NIBAN1: variants seen among roughly 807,000 people sequenced by gnomAD.
The protein encoded by NIBAN1 is protein Niban 1.
Under a neutral mutation model 75.1 loss-of-function variants are expected in NIBAN1, and 81 were observed. The observed-to-expected ratio is 1.08, with a 90% CI of 0.90 to 1.30. The LOEUF is 1.30. Ranked by LOEUF, NIBAN1 falls within the 50% of genes most tolerant of loss-of-function variation. NIBAN1 has a pLI of 0.00. For missense variants in NIBAN1, 1,133 were observed against 1,128.1 expected (o/e 1.00, Z -0.06); for synonymous variants, 436 against 424.8 (o/e 1.03, Z -0.32).
chr1:184,854,216 G>A (rs1421994020), intron 5 of NIBAN1, among the ~76,000 whole-genome samples: 1 of 152,144 alleles, frequency 6.6e-6, no homozygotes. Context: ...CACTCTAGAT[G>A]CTTGTGGTTT....
At chr1:184,932,739 TA>T (rs1478374017) in intron 1 of NIBAN1, among the ~76,000 whole-genome samples, 1 of 152,222 alleles carries the variant, frequency 6.6e-6, no homozygotes, top group African/African-American at 2.4e-5. Context: ...TTTAAAAGCT[TA>T]AAAGTTATGA....
At chr1:184,932,862 AGT>A (rs1657860705) in intron 1 of NIBAN1, among the ~76,000 whole-genome samples, 1 of 152,164 alleles carries the variant, frequency 6.6e-6, no homozygotes, top group Non-Finnish European at 1.5e-5. Flanking sequence ...TATTTTCTTT[AGT>A]GAGTAGAAAA....
intron 1 of NIBAN1, 121 bp downstream of exon 1, chr1:184,974,181 C>G: frequency 9.5e-7 from 1 of 1,051,802 alleles, no homozygotes; most frequent in Non-Finnish European, 1.2e-6. Context: ...GGGCTGCGGT[C>G]GGGGATCCCC....
In NIBAN1 at chr1:184,974,327, G is replaced by C. The variant is rs1354774393; in HGVS notation, c.30C>G (p.Asp10Glu). 2 of 1,567,394 alleles carry C rather than the reference G, an allele frequency of 1.3e-6. No individual in the cohort carries two copies. Among genetic ancestry groups the C allele is most frequent in the Non-Finnish European group, 1.7e-6 (2 of 1,163,636 alleles). MGGSASSQL[D>E]EGKCAYIRGK... ...CTCGGATGTAAGCGCACTTGCCCTC[G>C]TCCAGCTGGCTGGAGGCTGAGCCGC... The change falls in exon 1 of 14, where the codon GAC becomes GAG. Residue 10 changes from aspartate to glutamate, a missense_variant. Asp to Glu is a conservative substitution (Grantham distance 45). Transcript: ENST00000367511.
intron 2 of NIBAN1, among the ~76,000 whole-genome samples, chr1:184,898,244 A>T (rs568069912): frequency 3.3e-5 from 5 of 152,280 alleles, no homozygotes; most frequent in African/African-American, 1.2e-4. Flanking sequence ...GAATATTCAC[A>T]CAGCCTACTC....
At chr1:184,816,375 T>C (rs1654535696) in intron 9 of NIBAN1, among the ~76,000 whole-genome samples, 1 of 152,224 alleles carries the variant, frequency 6.6e-6, no homozygotes, top group Non-Finnish European at 1.5e-5. Flanking sequence ...CTCCATAACC[T>C]ATATGAATGA....
At chr1:184,799,495 A>G (rs965439385) in intron 12 of NIBAN1, among the ~76,000 whole-genome samples, 1 of 149,716 alleles carries the variant, frequency 6.7e-6, no homozygotes, top group Non-Finnish European at 1.5e-5. Context: ...TAGTGCCACA[A>G]TAAACATATG....
chr1:184,907,573 G>A (rs1557909545), intron 1 of NIBAN1, among the ~76,000 whole-genome samples: 1 of 152,168 alleles, frequency 6.6e-6, no homozygotes, highest in Non-Finnish European at 1.5e-5. Flanking sequence ...TATGGTCTTA[G>A]GTTGCTAAGC....
Position 184,798,144 on chromosome 1 carries a change from A to T in NIBAN1, c.1601T>A (p.Met534Lys). ...CTCATAGACATTTTCAACGTGAATC[A>T]TATTGGTATGATCTGCAAAGATGAA... ...EQFIFADHTN[M>K]IHVENVYEEI... Residue 534 changes from methionine to lysine, a missense_variant, in exon 13 of 14, where the codon ATG (methionine) becomes AAG (lysine). Transcript: ENST00000367511. 15 of 1,611,722 alleles carry T rather than the reference A, an allele frequency of 9.3e-6. No homozygotes were observed. Among genetic ancestry groups the T allele is most frequent in the Non-Finnish European group, 1.3e-5 (15 of 1,178,188 alleles).
chr1:184,904,098 G>A (rs1376768297), intron 1 of NIBAN1, among the ~76,000 whole-genome samples: 1 of 152,102 alleles, frequency 6.6e-6, no homozygotes, highest in African/African-American at 2.4e-5. Context: ...GTTTCACCAT[G>A]TTAGTCAGGC....
chr1:184,910,464 T>C (rs1228307955), intron 1 of NIBAN1, among the ~76,000 whole-genome samples: 2 of 152,098 alleles, frequency 1.3e-5, no homozygotes, highest in African/African-American at 4.8e-5. Context: ...TAATAGAATA[T>C]TTACAAAAAA....
At chr1:184,827,953 GTTTTTTGTTT>G (rs1343067942) in intron 6 of NIBAN1, among the ~76,000 whole-genome samples, 1 of 100,280 alleles carries the variant, frequency 1.0e-5, no homozygotes, top group Admixed American at 1.0e-4. Flanking sequence ...GGGTAGTTTT[GTTTTTTGTTT>G]TTTTTTTTTT....
chr1:184,933,085 T>C (rs1228620248), intron 1 of NIBAN1, among the ~76,000 whole-genome samples: 1 of 152,158 alleles, frequency 6.6e-6, no homozygotes, highest in African/African-American at 2.4e-5. Context: ...CTTTCAATAC[T>C]CACAGAATAT....
Position 184,945,753 on chromosome 1 carries a change from T to G in NIBAN1, c.55+28549A>C, listed in dbSNP as rs78453562. On this transcript the variant is annotated intron_variant, in intron 1 of 13. Transcript: ENST00000367511. ...TACCCTGACATTTCTGATAGCCAGATAGAGAGTCGCTGAAAATATGACAAG... is the reference window on the plus strand; with the variant it reads ...TACCCTGACATTTCTGATAGCCAGAGAGAGAGTCGCTGAAAATATGACAAG... Among the ~76,000 whole-genome samples, 762 of 152,290 alleles carry G rather than the reference T, an allele frequency of 5.0e-3. 10 individuals carry two copies. The highest frequency in any genetic ancestry group is 0.047 in the East Asian group (243 of 5,190).
At position 184,846,048 on chromosome 1, in the gene NIBAN1, G is replaced by C. The variant is rs1571514387; in HGVS notation, c.602-14086C>G. On this transcript the variant is annotated intron_variant, in intron 5 of 13. Transcript: ENST00000367511. ...GCAAGGCGGCAGCGAGGCTGGGGGA[G>C]GGGCACCCGCCATTGCCCAGGCTTG... Among the ~76,000 whole-genome samples, 3 of 86,642 alleles carry C rather than the reference G, an allele frequency of 3.5e-5. 1 individual carries two copies. In the South Asian group the frequency reaches 1.0e-3, roughly 30 times the overall value. The allele number at this position is 86,642 out of a possible 152,430, so 56.8% of individuals were successfully genotyped here.
chr1:184,918,643 C>A (rs1333643581), intron 1 of NIBAN1, among the ~76,000 whole-genome samples: 1 of 152,208 alleles, frequency 6.6e-6, no homozygotes, highest in African/African-American at 2.4e-5. Flanking sequence ...CTTGAAGCTT[C>A]TCCTGAATTC....
intron 4 of NIBAN1, among the ~76,000 whole-genome samples, chr1:184,885,024 AG>A (rs1656486615): frequency 6.6e-6 from 1 of 152,038 alleles, no homozygotes; most frequent in Non-Finnish European, 1.5e-5. Flanking sequence ...CCAACATCAC[AG>A]GGACAGTGAG....
At chr1:184,844,573 G>A (rs687412) in intron 5 of NIBAN1, among the ~76,000 whole-genome samples, 88,073 of 152,004 alleles carry the variant, frequency 0.58, 26,000 homozygotes, top group African/African-American at 0.67. Flanking sequence ...CATTGCCCAA[G>A]GTCATATGAA....
At chr1:184,938,482 C>A (rs1658015013) in intron 1 of NIBAN1, among the ~76,000 whole-genome samples, 1 of 151,352 alleles carries the variant, frequency 6.6e-6, no homozygotes, top group African/African-American at 2.4e-5. Context: ...TTCCTTTCAT[C>A]TTTCTTTTCT....
Sources: gnomAD v4.1 joint callset for allele counts (sites outside exome capture counted in the v4.1 genomes callset) on GRCh38, gnomAD v4.1.1 for gene constraint, MANE v1.5 for transcripts, NCBI Gene and HGNC (gene_info 2026-07-23, HGNC 2026-07-21) for gene names.